The following CDHR3 variants were observed in gnomAD, a reference collection of about 807,000 sequenced individuals.
The protein encoded by CDHR3 is cadherin-related family member 3.
In CDHR3, 79 loss-of-function variants were observed where a neutral mutation model predicts 86.6. That is an observed-to-expected ratio of 0.91 (90% CI 0.76 to 1.10). The LOEUF (loss-of-function observed/expected upper bound fraction) is 1.10, where lower values mean the gene tolerates loss of function less well. Among genes scored for constraint, CDHR3 ranks in the 50% least tolerant of loss-of-function variants. The probability of loss-of-function intolerance (pLI) is 0.00; values close to 1 mark genes in which losing one functional copy is unlikely to be tolerated. For synonymous variants in CDHR3, 421 were observed against 402.4 expected, an observed-to-expected ratio of 1.05 and a Z score of -0.55; for missense variants, 1,081 against 1,077.6, an observed-to-expected ratio of 1.00 and a Z score of -0.04.
At chr7:105,982,285 G>C (rs1164250402) in intron 3 of CDHR3, among the ~76,000 whole-genome samples, 1 of 151,782 alleles carries the variant, frequency 6.6e-6, no homozygotes, top group Admixed American at 6.6e-5. Flanking sequence ...TGGCTAACAT[G>C]GTGAAACCCC....
rs577201307 is a variant in CDHR3, at chr7:106,031,573, C to T, written c.2353+733C>T. 3.3e-5 allele frequency among the ~76,000 whole-genome samples: 5 copies of T among 152,296 alleles called. No individual in the cohort carries two copies. In the South Asian group the frequency reaches 8.3e-4, roughly 25 times the overall value. On this transcript the variant is annotated intron_variant, in intron 18 of 18. Coordinates refer to ENST00000317716, the MANE Select transcript of CDHR3 (RefSeq NM_152750.5). Reference sequence around the variant, plus strand: ...CTCTCCAGTGAGAGGCTGCCGCCGCCGCTGCTGCTGCTGCTGGAATTAAAT... The same window carrying T: ...CTCTCCAGTGAGAGGCTGCCGCCGCTGCTGCTGCTGCTGCTGGAATTAAAT...
At chr7:105,987,763 C>T (rs962931474) in intron 4 of CDHR3, among the ~76,000 whole-genome samples, 4 of 152,206 alleles carry the variant, frequency 2.6e-5, no homozygotes, top group Non-Finnish European at 5.9e-5. Context: ...CACATCATCT[C>T]CCAAAATTTC....
intron 4 of CDHR3, among the ~76,000 whole-genome samples, chr7:105,992,941 C>G (rs958194401): frequency 1.3e-5 from 2 of 152,144 alleles, no homozygotes; most frequent in Non-Finnish European, 2.9e-5. Flanking sequence ...TTAAAAATGG[C>G]TTAAAAACGT....
chr7:105,978,581 C>G (rs1829175643), intron 2 of CDHR3, among the ~76,000 whole-genome samples: 1 of 152,164 alleles, frequency 6.6e-6, no homozygotes. Context: ...CTTCCCCTCC[C>G]TCTCCTAGCT....
At chr7:106,013,573 C>T (rs530875782) in intron 9 of CDHR3, among the ~76,000 whole-genome samples, 1 of 152,234 alleles carries the variant, frequency 6.6e-6, no homozygotes, top group South Asian at 2.1e-4. Flanking sequence ...TGAGTTAGAC[C>T]TTTCCTTACA....
At chr7:106,009,955 C>G (rs1834543963) in intron 8 of CDHR3, among the ~76,000 whole-genome samples, 1 of 152,138 alleles carries the variant, frequency 6.6e-6, no homozygotes, top group Admixed American at 6.6e-5. Context: ...GCTTTTGAGG[C>G]AGGGATTGCT....
At position 106,033,430 on chromosome 7, in the gene CDHR3, C is replaced by G. The variant is rs1838652157; in HGVS notation, c.*733C>G. The G allele has an allele frequency of 6.6e-6, 1 of 152,128 alleles. No individual in the cohort carries two copies. Among genetic ancestry groups the G allele is most frequent in the Admixed American group, 6.5e-5 (1 of 15,270 alleles). 9.4% of individuals were successfully genotyped at this position (152,128 alleles called of 1,614,324 possible). A position where few individuals can be genotyped will look rare whatever the true frequency, so the allele number is the denominator to read the frequency against. ...GGTGGCAGCTGCTTCAGATTTTTTA[C>G]TTTTAAAAAATATACTTAAAAGTGA... On this transcript the variant is annotated 3_prime_UTR_variant, in exon 19 of 19. Transcript: ENST00000317716.
At chr7:106,019,938 G>T (rs1352076233) in intron 12 of CDHR3, among the ~76,000 whole-genome samples, 1 of 152,232 alleles carries the variant, frequency 6.6e-6, no homozygotes, top group Non-Finnish European at 1.5e-5. Flanking sequence ...TTTACAAGGG[G>T]CAGCAGGCAA....
intron 4 of CDHR3, among the ~76,000 whole-genome samples, chr7:105,987,280 G>T (rs1302054617): frequency 6.6e-6 from 1 of 152,156 alleles, no homozygotes; most frequent in Non-Finnish European, 1.5e-5. Context: ...GGAGTTGTTT[G>T]GGGAGGGGGT....
rs1837321777 is a variant in CDHR3, at chr7:106,026,208, G to A, written c.2259-474G>A. Among the ~76,000 whole-genome samples the A allele has an allele frequency of 2.6e-5, 4 of 152,274 alleles. No homozygotes were observed. The South Asian group carries it at 6.2e-4, about 24-fold the overall frequency. On this transcript the variant is annotated intron_variant, in intron 15 of 18. Transcript: ENST00000317716. ...GGGTTACAGAGCTATAGAATCCAAG[G>A]TGATCATGGGAAATCTCGTAGGGTC...
At chr7:105,979,745 T>C (rs1054930110) in intron 2 of CDHR3, among the ~76,000 whole-genome samples, 4 of 152,214 alleles carry the variant, frequency 2.6e-5, no homozygotes, top group African/African-American at 4.8e-5. Flanking sequence ...CACAGCAAGA[T>C]GCTGAGTGTC....
chr7:106,017,934 C>T lies in CDHR3; in HGVS notation c.1515C>T (p.Ser505=). The T allele has an allele frequency of 6.2e-7, 1 of 1,612,566 alleles. No homozygotes were observed. Among genetic ancestry groups the T allele is most frequent in the Non-Finnish European group, 8.5e-7 (1 of 1,179,266 alleles). The change falls in exon 12 of 19, where the codon AGC becomes AGT. Residue 505 remains serine (S), a synonymous_variant. Transcript: ENST00000317716. ...LLYSISTGGA[S]LQYPNVFWIN... is the part of the protein sequence containing the mutation. Reference sequence around the variant, plus strand: ...ACTCCATCTCCACTGGAGGGGCCAGCCTCCAGTATCCAAATGTATTTTGGA... The same window carrying T: ...ACTCCATCTCCACTGGAGGGGCCAGTCTCCAGTATCCAAATGTATTTTGGA...
Position 106,024,407 on chromosome 7 carries a change from G to A in CDHR3, c.2103G>A (p.Arg701=). 1 of 1,613,974 alleles carries A rather than the reference G, an allele frequency of 6.2e-7. No individual in the cohort carries two copies. Among genetic ancestry groups the A allele is most frequent in the Non-Finnish European group, 8.5e-7 (1 of 1,179,888 alleles). Residue 701 remains arginine, a synonymous_variant, in exon 15 of 19, where the codon AGG becomes AGA. Coordinates refer to ENST00000317716, the MANE Select transcript of CDHR3 (RefSeq NM_152750.5). The part of the protein sequence containing the change: ...PRPRVTYQVL[R]KNVYSPSAWY... ...CCAGGGTCACCTATCAGGTCCTGAG[G>A]AAAAACGTTTACTCTCCATCTGCAT...
At chr7:105,973,735 G>A (rs1828333968) in intron 1 of CDHR3, among the ~76,000 whole-genome samples, 1 of 152,220 alleles carries the variant, frequency 6.6e-6, no homozygotes. Flanking sequence ...GGGAGGCTGA[G>A]GCAGGTGGAT....
intron 6 of CDHR3, among the ~76,000 whole-genome samples, chr7:105,997,768 C>G (rs1832481561): frequency 6.6e-6 from 1 of 151,770 alleles, no homozygotes; most frequent in Admixed American, 6.6e-5. Flanking sequence ...GTTTGGATCA[C>G]ATCTTCCAAA....
At chr7:105,972,511 T>C (rs1828141910) in intron 1 of CDHR3, among the ~76,000 whole-genome samples, 1 of 152,156 alleles carries the variant, frequency 6.6e-6, no homozygotes, top group Admixed American at 6.5e-5. Context: ...CTTGTCTTGC[T>C]AAACAGTGAG....
chr7:105,994,681 G>A (rs1831906055), intron 4 of CDHR3, 70 bp from the exon 5 acceptor site: 4 of 1,016,422 alleles, frequency 3.9e-6, no homozygotes, highest in Non-Finnish European at 6.1e-6. Flanking sequence ...TAGGAAATGA[G>A]CACACACATC....
intron 1 of CDHR3, among the ~76,000 whole-genome samples, chr7:105,969,126 G>T (rs1827481168): frequency 6.7e-6 from 1 of 149,932 alleles, no homozygotes; most frequent in African/African-American, 2.5e-5. Context: ...GCCGGGCGTG[G>T]TGGCTCACGC....
At chr7:106,014,668 G>T (rs1348419245) in intron 9 of CDHR3, among the ~76,000 whole-genome samples, 1 of 152,126 alleles carries the variant, frequency 6.6e-6, no homozygotes, top group Non-Finnish European at 1.5e-5. Context: ...TGTGAATATG[G>T]CTTCTCTCTC....
Sources: allele counts gnomAD v4.1 joint callset (sites outside exome capture counted in the v4.1 genomes callset), GRCh38; gene constraint gnomAD v4.1.1; transcripts MANE v1.5; gene names NCBI Gene and HGNC (gene_info 2026-07-23, HGNC 2026-07-21).